The following CANX variants were observed in gnomAD, a reference collection of about 807,000 sequenced individuals.
CANX encodes calnexin.
A neutral mutation model predicts 75.7 loss-of-function variants in CANX; 14 were observed. The observed-to-expected ratio is 0.19, with a 90% CI of 0.12 to 0.29. The LOEUF (loss-of-function observed/expected upper bound fraction) is 0.29. Ranked by LOEUF, CANX falls within the 10% of genes least tolerant of loss-of-function variation. The pLI, the probability that CANX is intolerant of heterozygous loss-of-function variation, is 1.00. For missense variants in CANX, 567 were observed against 713.2 expected (o/e 0.79, Z 2.34); for synonymous variants, 227 against 236.9 (o/e 0.96, Z 0.38).
intron 1 of CANX, among the ~76,000 whole-genome samples, chr5:179,681,127 C>T (rs565605029): frequency 9.8e-5 from 15 of 152,328 alleles, no homozygotes; most frequent in Admixed American, 6.5e-4. Flanking sequence ...GGGGTGCTGA[C>T]CGCTGAGCTG....
chr5:179,688,843 A>C (rs1180245759), intron 1 of CANX, among the ~76,000 whole-genome samples: 2 of 151,446 alleles, frequency 1.3e-5, no homozygotes, highest in Non-Finnish European at 2.9e-5. Flanking sequence ...AGAGTGCTCC[A>C]GGGGCTGAGG....
At chr5:179,700,339 AG>A (rs1189812395) in intron 1 of CANX, 1 of 152,204 alleles carries the variant, frequency 6.6e-6, no homozygotes, top group African/African-American at 2.4e-5. Flanking sequence ...GATTTTTTTA[AG>A]GGGGAAGAAT....
chr5:179,725,792 A>G (rs1778622195), intron 13 of CANX, among the ~76,000 whole-genome samples: 1 of 143,322 alleles, frequency 7.0e-6, no homozygotes, highest in African/African-American at 2.6e-5. Flanking sequence ...GATCAAGACC[A>G]TCCTGGCCAA....
At chr5:179,705,134 C>A (rs189487321) in intron 1 of CANX, among the ~76,000 whole-genome samples, 5 of 152,030 alleles carry the variant, frequency 3.3e-5, no homozygotes, top group Non-Finnish European at 7.4e-5. Flanking sequence ...TACAGGCGCC[C>A]GCTATCGCTC....
chr5:179,681,254 T>G (rs1776057767), intron 1 of CANX, among the ~76,000 whole-genome samples: 1 of 152,292 alleles, frequency 6.6e-6, no homozygotes, highest in East Asian at 1.9e-4. Context: ...GCTGTCATTC[T>G]TGGCAGGGGA....
chr5:179,713,344 T>G (rs1352813091), intron 7 of CANX, among the ~76,000 whole-genome samples: 2 of 152,206 alleles, frequency 1.3e-5, no homozygotes, highest in African/African-American at 4.8e-5. Context: ...AGTGCTAGGA[T>G]TACAGGCGTG....
At chr5:179,686,487 A>G (rs12188238) in intron 1 of CANX, among the ~76,000 whole-genome samples, 69,381 of 150,644 alleles carry the variant, frequency 0.46, 16,233 homozygotes, top group African/African-American at 0.56. Context: ...TCTTGTTGTT[A>G]TTTTGAGACA....
chr5:179,724,622 A>G, intron 12 of CANX, 35 bp from the exon 13 acceptor site: 2 of 1,596,066 alleles, frequency 1.3e-6, no homozygotes, highest in Non-Finnish European at 1.7e-6. Context: ...ATACATGAAC[A>G]TGTAAACAAA....
chr5:179,710,826 G>T (rs1777503228), intron 7 of CANX, among the ~76,000 whole-genome samples: 1 of 151,536 alleles, frequency 6.6e-6, no homozygotes, highest in African/African-American at 2.4e-5. Context: ...GCTGAGGCGG[G>T]CGGATCACTT....
At chr5:179,713,883 C>A (rs1407441260) in intron 7 of CANX, among the ~76,000 whole-genome samples, 1 of 152,132 alleles carries the variant, frequency 6.6e-6, no homozygotes, top group Non-Finnish European at 1.5e-5. Flanking sequence ...CCACTGCACT[C>A]CAGCGTGGGT....
intron 12 of CANX, 83 bp downstream of exon 12, chr5:179,723,862 G>T: frequency 2.3e-6 from 3 of 1,290,304 alleles, no homozygotes; most frequent in Non-Finnish European, 3.2e-6. Flanking sequence ...GTTGCCTGAG[G>T]TTTTCTTTGT....
At chr5:179,720,973 G>A (rs1778273322) in intron 10 of CANX, among the ~76,000 whole-genome samples, 1 of 151,916 alleles carries the variant, frequency 6.6e-6, no homozygotes, top group African/African-American at 2.4e-5. Context: ...TAGCAGAGAT[G>A]GTGTTTCACC....
At chr5:179,709,478 A>T (rs1777379407) in intron 6 of CANX, among the ~76,000 whole-genome samples, 1 of 152,098 alleles carries the variant, frequency 6.6e-6, no homozygotes, top group East Asian at 1.9e-4. Context: ...CTGCTGTTTA[A>T]CTCTTTTGAT....
chr5:179,701,018 A>C (rs1217041306), intron 1 of CANX: 1 of 152,040 alleles, frequency 6.6e-6, no homozygotes, highest in Non-Finnish European at 1.5e-5. Flanking sequence ...GCCCGCCACC[A>C]CGCCCGGCTA....
At chr5:179,718,430 C>T (rs967809353) in intron 8 of CANX, among the ~76,000 whole-genome samples, 1 of 151,978 alleles carries the variant, frequency 6.6e-6, no homozygotes, top group Non-Finnish European at 1.5e-5. Flanking sequence ...ACCATGTTGG[C>T]CAGGATGGTC....
chr5:179,707,467 C>T (rs1426342774), intron 4 of CANX, among the ~76,000 whole-genome samples: 2 of 151,726 alleles, frequency 1.3e-5, no homozygotes, highest in African/African-American at 4.8e-5. Flanking sequence ...ATCTGTAGTC[C>T]CAGCTGCTGG....
At chr5:179,679,056 G>A (rs1581807388) in intron 1 of CANX, 6 of 1,534,686 alleles carry the variant, frequency 3.9e-6, no homozygotes, top group East Asian at 4.9e-5. Context: ...GAGAAGGGCC[G>A]CGAGATGTGA....
intron 13 of CANX, among the ~76,000 whole-genome samples, chr5:179,725,835 A>T (rs1196973037): frequency 6.6e-6 from 1 of 150,848 alleles, no homozygotes; most frequent in Non-Finnish European, 1.5e-5. Flanking sequence ...TTAAAATAAA[A>T]AAGTTAGCCA....
intron 12 of CANX, 30 bp from the exon 13 acceptor site, chr5:179,724,627 A>C (rs541240656): frequency 6.2e-7 from 1 of 1,603,572 alleles, no homozygotes. Context: ...TGAACATGTA[A>C]ACAAAATTGT....
Sources: gnomAD v4.1 joint callset for allele counts (sites outside exome capture counted in the v4.1 genomes callset) on GRCh38, gnomAD v4.1.1 for gene constraint, MANE v1.5 for transcripts, NCBI Gene and HGNC (gene_info 2026-07-23, HGNC 2026-07-21) for gene names.